The following GPC5 variants were observed in gnomAD, a reference collection of about 807,000 sequenced individuals.
The protein encoded by GPC5 is glypican 5, also known as glypican-5.
A neutral mutation model predicts 53.9 loss-of-function variants in GPC5; 47 were observed. That is an observed-to-expected ratio of 0.87 (90% CI 0.69 to 1.11). The LOEUF is 1.11. Among genes scored for constraint, GPC5 ranks in the 50% most tolerant of loss-of-function variants. The probability of loss-of-function intolerance (pLI) is 0.00; values close to 1 mark genes in which losing one functional copy is unlikely to be tolerated. For missense variants in GPC5, 748 were observed against 713.1 expected, an observed-to-expected ratio of 1.05 and a Z score of -0.56; for synonymous variants, 286 against 263.3, an observed-to-expected ratio of 1.09 and a Z score of -0.84.
chr13:91,804,343 C>A (rs9515975), intron 5 of GPC5, among the ~76,000 whole-genome samples: 78,350 of 152,018 alleles, frequency 0.52, 20,829 homozygotes, highest in East Asian at 0.73. Flanking sequence ...AGCTATAGCT[C>A]TCGTCTGTAC....
intron 7 of GPC5, among the ~76,000 whole-genome samples, chr13:92,409,524 C>T (rs186505077): frequency 6.6e-6 from 1 of 151,752 alleles, no homozygotes; most frequent in Non-Finnish European, 1.5e-5. Context: ...TATAATTGAC[C>T]ATCATCAAAA....
intron 2 of GPC5, among the ~76,000 whole-genome samples, chr13:91,634,415 C>T (rs562080295): frequency 6.6e-6 from 1 of 151,740 alleles, no homozygotes; most frequent in South Asian, 2.1e-4. Flanking sequence ...GTCACACAGT[C>T]GATTTGTGAA....
At chr13:91,512,056 T>C (rs1427359466) in intron 2 of GPC5, among the ~76,000 whole-genome samples, 1 of 152,192 alleles carries the variant, frequency 6.6e-6, no homozygotes, top group East Asian at 1.9e-4. Context: ...TTAGGTTTAG[T>C]GTTAGTTAGA....
chr13:92,838,440 G>T (rs1034814245), intron 7 of GPC5, among the ~76,000 whole-genome samples: 1 of 149,188 alleles, frequency 6.7e-6, no homozygotes, highest in African/African-American at 2.5e-5. Context: ...TCGAGATCAC[G>T]CCACTGCACT....
At chr13:92,570,995 T>C (rs1855367) in intron 7 of GPC5, among the ~76,000 whole-genome samples, 29,829 of 152,050 alleles carry the variant, frequency 0.2, 2,903 homozygotes, top group South Asian at 0.22. Flanking sequence ...TGATTCCAAG[T>C]TCCAGACCCT....
At chr13:92,014,724 A>G in intron 6 of GPC5, among the ~76,000 whole-genome samples, 1 of 152,162 alleles carries the variant, frequency 6.6e-6, no homozygotes, top group East Asian at 1.9e-4. Context: ...CTAGTATAAT[A>G]TATACATTAT....
intron 7 of GPC5, among the ~76,000 whole-genome samples, chr13:92,474,833 T>C (rs1381888272): frequency 6.6e-6 from 1 of 152,056 alleles, no homozygotes; most frequent in Non-Finnish European, 1.5e-5. Flanking sequence ...TTTAACAAAG[T>C]GAAGAAGACA....
chr13:91,532,681 C>T (rs1886405413), intron 2 of GPC5, among the ~76,000 whole-genome samples: 1 of 152,044 alleles, frequency 6.6e-6, no homozygotes, highest in African/African-American at 2.4e-5. Context: ...GCCTGCGCAA[C>T]ATGCTGAGAT....
chr13:92,055,736 C>T (rs114202374), intron 6 of GPC5, among the ~76,000 whole-genome samples: 1,713 of 152,164 alleles, frequency 0.011, 17 homozygotes, highest in Middle Eastern at 0.024. Context: ...ATAAAGTAAG[C>T]ATATTTAATT....
intron 7 of GPC5, among the ~76,000 whole-genome samples, chr13:92,441,419 G>C (rs61973608): frequency 0.066 from 10,117 of 152,182 alleles, 362 homozygotes; most frequent in Admixed American, 0.096. Flanking sequence ...CCTATGAAAT[G>C]ATTCTATACT....
At chr13:92,765,439 A>C (rs1053687543) in intron 7 of GPC5, among the ~76,000 whole-genome samples, 3 of 152,224 alleles carry the variant, frequency 2.0e-5, no homozygotes, top group Admixed American at 6.5e-5. Context: ...AGGCCAATAC[A>C]AGTTTTGTTC....
intron 2 of GPC5, among the ~76,000 whole-genome samples, chr13:91,479,031 G>A (rs1883162281): frequency 6.6e-6 from 1 of 150,516 alleles, no homozygotes; most frequent in African/African-American, 2.4e-5. Flanking sequence ...TCCTGTCTCA[G>A]CCTCCGAAGT....
chr13:92,172,275 G>T (rs192751364), intron 7 of GPC5, among the ~76,000 whole-genome samples: 1 of 152,120 alleles, frequency 6.6e-6, no homozygotes, highest in Non-Finnish European at 1.5e-5. Context: ...GTTGGGTTGT[G>T]CAGTTGACCC....
At chr13:92,276,309 C>T (rs1360267008) in intron 7 of GPC5, among the ~76,000 whole-genome samples, 2 of 152,106 alleles carry the variant, frequency 1.3e-5, no homozygotes, top group Non-Finnish European at 2.9e-5. Context: ...ATCCACAGTG[C>T]ACCTAATCTT....
At chr13:91,623,251 CA>C (rs2033910097) in intron 2 of GPC5, among the ~76,000 whole-genome samples, 1 of 152,092 alleles carries the variant, frequency 6.6e-6, no homozygotes, top group South Asian at 2.1e-4. Context: ...ACTTTTTAAG[CA>C]AAATATGCGA....
intron 7 of GPC5, among the ~76,000 whole-genome samples, chr13:92,214,098 G>A (rs2042393727): frequency 6.6e-6 from 1 of 152,132 alleles, no homozygotes; most frequent in African/African-American, 2.4e-5. Context: ...TTTATGGGTT[G>A]CAGTAGTTCT....
chr13:92,444,028 G>C (rs1033852292), intron 7 of GPC5, among the ~76,000 whole-genome samples: 1 of 152,054 alleles, frequency 6.6e-6, no homozygotes, highest in African/African-American at 2.4e-5. Flanking sequence ...AATTTTGTAC[G>C]ATGAGTGAAA....
At chr13:92,435,620 G>A (rs1877274092) in intron 7 of GPC5, among the ~76,000 whole-genome samples, 1 of 152,176 alleles carries the variant, frequency 6.6e-6, no homozygotes, top group Non-Finnish European at 1.5e-5. Flanking sequence ...TGAGTCATGG[G>A]CCAACAACTA....
At chr13:92,091,781 C>T (rs928479655) in intron 6 of GPC5, among the ~76,000 whole-genome samples, 1 of 131,080 alleles carries the variant, frequency 7.6e-6, no homozygotes, top group Non-Finnish European at 1.6e-5. Context: ...AAAAAAAAAA[C>T]AATGTGAAAG....
Sources: allele counts gnomAD v4.1 joint callset (sites outside exome capture counted in the v4.1 genomes callset), GRCh38; gene constraint gnomAD v4.1.1; transcripts MANE v1.5; gene names NCBI Gene and HGNC (gene_info 2026-07-23, HGNC 2026-07-21).